KLHL1: variants seen among roughly 807,000 people sequenced by gnomAD.
The protein encoded by KLHL1 is kelch like family member 1.
KLHL1 carries 47 observed loss-of-function variants against 77.7 expected under a neutral mutation model. That is an observed-to-expected ratio of 0.60 (90% confidence interval 0.48 to 0.77). The LOEUF (loss-of-function observed/expected upper bound fraction) is 0.77. KLHL1 is among the 30% of genes least tolerant of loss of function. The pLI is 0.00. For missense variants in KLHL1, 925 were observed against 910.8 expected (o/e 1.02, Z -0.20); for synonymous variants, 360 against 325.2 (o/e 1.11, Z -1.15).
intron 1 of KLHL1, among the ~76,000 whole-genome samples, chr13:70,066,699 C>T (rs2137412203): frequency 6.6e-6 from 1 of 152,246 alleles, no homozygotes; most frequent in East Asian, 1.9e-4. Context: ...ACCCTGCTGC[C>T]AAGAGTCCTT....
At chr13:70,000,117 G>A (rs1202518407) in intron 1 of KLHL1, among the ~76,000 whole-genome samples, 1 of 151,868 alleles carries the variant, frequency 6.6e-6, no homozygotes, top group African/African-American at 2.4e-5. Flanking sequence ...TGCTTCCTCT[G>A]TTGCCATGTG....
At chr13:70,044,171 T>C (rs148210672) in intron 1 of KLHL1, among the ~76,000 whole-genome samples, 2 of 152,306 alleles carry the variant, frequency 1.3e-5, no homozygotes, top group African/African-American at 2.4e-5. Flanking sequence ...CACAGCCCAG[T>C]TCATACTGGC....
At chr13:69,773,047 A>C (rs897599823) in intron 7 of KLHL1, among the ~76,000 whole-genome samples, 3 of 141,298 alleles carry the variant, frequency 2.1e-5, no homozygotes, top group Non-Finnish European at 4.8e-5. Context: ...CACAGGCAGA[A>C]AACAGAACAA....
chr13:69,935,927 C>G (rs1325838938), intron 4 of KLHL1, among the ~76,000 whole-genome samples: 10 of 152,148 alleles, frequency 6.6e-5, no homozygotes, highest in Admixed American at 6.5e-4. Flanking sequence ...AATGCTTCTT[C>G]TCTTGTCATA....
rs1190986058 is a variant in KLHL1 at position 69,726,639 on chromosome 13, A to G, written c.1803-7058T>C. Among the ~76,000 whole-genome samples, 17 of 152,182 alleles carry G rather than the reference A, an allele frequency of 1.1e-4. 1 individual carries two copies. Among genetic ancestry groups the G allele is most frequent in the Non-Finnish European group, 1.5e-5 (1 of 68,028 alleles). ...TACCTTTATTTATTAAAACATACCCAAATTTATGAAAAGAATCTGACAATT... is the reference window on the plus strand; with the variant it reads ...TACCTTTATTTATTAAAACATACCCGAATTTATGAAAAGAATCTGACAATT... On this transcript the variant is annotated intron_variant, in intron 8 of 10. Coordinates refer to ENST00000377844, the MANE Select transcript of KLHL1 (RefSeq NM_020866.3).
chr13:69,975,924 T>G, intron 1 of KLHL1, 122 bp from the exon 2 acceptor site: 1 of 1,215,348 alleles, frequency 8.2e-7, no homozygotes, highest in Non-Finnish European at 1.1e-6. Context: ...TATCTGTGTT[T>G]ATTTTTATAT....
intron 1 of KLHL1, among the ~76,000 whole-genome samples, chr13:70,089,852 A>C (rs945401314): frequency 3.3e-5 from 5 of 152,150 alleles, no homozygotes; most frequent in Admixed American, 1.3e-4. Context: ...TAGCTAAGAC[A>C]GCACTCTAGG....
chr13:69,946,861 T>C (rs1883541834), intron 3 of KLHL1, among the ~76,000 whole-genome samples: 1 of 151,168 alleles, frequency 6.6e-6, no homozygotes, highest in South Asian at 2.1e-4. Flanking sequence ...ATTATAGTCA[T>C]GACAAGTCAC....
chr13:69,851,493 T>C (rs1025835719), intron 5 of KLHL1, among the ~76,000 whole-genome samples: 1 of 151,834 alleles, frequency 6.6e-6, no homozygotes, highest in African/African-American at 2.4e-5. Flanking sequence ...ACTGGATTAA[T>C]TGGAGACATT....
At chr13:69,725,430 C>T (rs1434102290) in intron 8 of KLHL1, among the ~76,000 whole-genome samples, 1 of 152,104 alleles carries the variant, frequency 6.6e-6, no homozygotes, top group Non-Finnish European at 1.5e-5. Context: ...GTGCACAACT[C>T]ACTTCTCACA....
At chr13:70,024,124 C>T (rs1363964223) in intron 1 of KLHL1, among the ~76,000 whole-genome samples, 1 of 151,546 alleles carries the variant, frequency 6.6e-6, no homozygotes, top group African/African-American at 2.4e-5. Flanking sequence ...GATGGTATGG[C>T]GTAGACGATT....
At chr13:69,923,523 CTTA>C (rs1243569885) in intron 4 of KLHL1, among the ~76,000 whole-genome samples, 3 of 152,076 alleles carry the variant, frequency 2.0e-5, no homozygotes, top group South Asian at 2.1e-4. Context: ...TTTATTTATA[CTTA>C]TTATTTTTAA....
chr13:69,777,118 T>C (rs1266610141), intron 7 of KLHL1, among the ~76,000 whole-genome samples: 1 of 152,116 alleles, frequency 6.6e-6, no homozygotes, highest in East Asian at 1.9e-4. Flanking sequence ...GACGGTATTA[T>C]AAAGGGCAGT....
At chr13:70,097,770 G>A (rs956366654) in intron 1 of KLHL1, among the ~76,000 whole-genome samples, 1 of 151,786 alleles carries the variant, frequency 6.6e-6, no homozygotes, top group African/African-American at 2.4e-5. Context: ...AAACATGTTG[G>A]TGATGTAAAA....
intron 1 of KLHL1, among the ~76,000 whole-genome samples, chr13:70,018,783 T>C (rs1448352723): frequency 6.6e-6 from 1 of 152,056 alleles, no homozygotes; most frequent in Non-Finnish European, 1.5e-5. Flanking sequence ...CAGTTAGAAG[T>C]TGAATCAATG....
At chr13:69,807,865 A>C (rs1341437180) in intron 6 of KLHL1, among the ~76,000 whole-genome samples, 1 of 152,096 alleles carries the variant, frequency 6.6e-6, no homozygotes, top group African/African-American at 2.4e-5. Flanking sequence ...TTGGAAACTG[A>C]AACCTGTCTG....
Position 69,882,267 on chromosome 13 carries a change from C to A in KLHL1, c.1227+16G>T. ...CAGTACATTGAATCTATTTAAACAG[C>A]GTCACACATCATTACCTGTGGTGGA... On this transcript the variant is annotated intron_variant, in intron 5 of 10. Coordinates refer to ENST00000377844, the MANE Select transcript of KLHL1 (RefSeq NM_020866.3). The A allele has an allele frequency of 6.4e-7, 1 of 1,555,626 alleles. No homozygotes were observed. Among genetic ancestry groups the A allele is most frequent in the Non-Finnish European group, 8.9e-7 (1 of 1,127,054 alleles).
chr13:69,859,382 A>AG (rs1880048885), intron 5 of KLHL1, among the ~76,000 whole-genome samples: 2 of 151,752 alleles, frequency 1.3e-5, no homozygotes, highest in African/African-American at 4.8e-5. Context: ...GCAGAAGGTC[A>AG]GGGGGTGAGA....
At chr13:69,933,715 T>C (rs1883080214) in intron 4 of KLHL1, among the ~76,000 whole-genome samples, 1 of 151,980 alleles carries the variant, frequency 6.6e-6, no homozygotes, top group Non-Finnish European at 1.5e-5. Context: ...TTAGTCTTAG[T>C]GCCACCGTCT....
Sources: gnomAD v4.1 joint callset for allele counts (sites outside exome capture counted in the v4.1 genomes callset) on GRCh38, gnomAD v4.1.1 for gene constraint, MANE v1.5 for transcripts, NCBI Gene and HGNC (gene_info 2026-07-23, HGNC 2026-07-21) for gene names.